The following RPP14 variants were observed in gnomAD, a reference collection of about 807,000 sequenced individuals.
RPP14 encodes the protein ribonuclease P/MRP subunit p14.
In RPP14, 19 loss-of-function variants were observed where a neutral mutation model predicts 17.8. The observed-to-expected ratio is 1.07, with a 90% CI of 0.74 to 1.57. The LOEUF (loss-of-function observed/expected upper bound fraction) is 1.57. Among genes scored for constraint, RPP14 ranks in the 40% most tolerant of loss-of-function variants. The probability of loss-of-function intolerance (pLI) is 0.00; values close to 1 mark genes in which losing one functional copy is unlikely to be tolerated. For missense variants in RPP14, 125 were observed against 140.8 expected, an observed-to-expected ratio of 0.89 and a Z score of 0.57; for synonymous variants, 60 against 56.4, an observed-to-expected ratio of 1.06 and a Z score of -0.29.
chr3:58,312,708 C>T (rs2097483648), intron 3 of RPP14, among the ~76,000 whole-genome samples: 1 of 152,052 alleles, frequency 6.6e-6, no homozygotes, highest in African/African-American at 2.4e-5. Flanking sequence ...CTCCTATAAT[C>T]CCAGCTCTTC....
intron 1 of RPP14, among the ~76,000 whole-genome samples, chr3:58,307,276 C>A (rs1194577143): frequency 6.6e-6 from 1 of 152,136 alleles, no homozygotes; most frequent in African/African-American, 2.4e-5. Context: ...AAAACGGGAA[C>A]CATAGCAAGA....
chr3:58,313,276 T>C (rs2097484445), intron 3 of RPP14, among the ~76,000 whole-genome samples: 1 of 152,128 alleles, frequency 6.6e-6, no homozygotes, highest in South Asian at 2.1e-4. Flanking sequence ...AGGCTCCTCA[T>C]GAAAAAAAGA....
intron 1 of RPP14, chr3:58,308,001 A>C (rs918133739): frequency 3.5e-4 from 53 of 152,020 alleles, no homozygotes; most frequent in African/African-American, 1.3e-3. Context: ...TTTTACTGGC[A>C]TCTAAGCCCT....
At chr3:58,309,073 A>G (rs923280534) in intron 1 of RPP14, among the ~76,000 whole-genome samples, 1 of 152,230 alleles carries the variant, frequency 6.6e-6, no homozygotes, top group Non-Finnish European at 1.5e-5. Flanking sequence ...GTTCACAGAT[A>G]GTCTTGCACA....
At chr3:58,314,459 T>C (rs76058849) in intron 3 of RPP14, among the ~76,000 whole-genome samples, 6,958 of 152,232 alleles carry the variant, frequency 0.046, 555 homozygotes, top group African/African-American at 0.16. Flanking sequence ...AGAGAATGTG[T>C]GGTTGGCAAA....
intron 1 of RPP14, among the ~76,000 whole-genome samples, chr3:58,307,446 G>A (rs2097476671): frequency 6.6e-6 from 1 of 152,214 alleles, no homozygotes; most frequent in African/African-American, 2.4e-5. Context: ...ACTCTAGGCC[G>A]GGCGCGGTGG....
At chr3:58,308,709 G>A (rs2097478487) in intron 1 of RPP14, among the ~76,000 whole-genome samples, 2 of 152,200 alleles carry the variant, frequency 1.3e-5, no homozygotes, top group African/African-American at 4.8e-5. Flanking sequence ...ATAGCTCTGT[G>A]ACCTTGGATA....
rs1205699323 is a variant in RPP14, at chr3:58,319,782, CTT to C, written c.*2289_*2290del. The C allele has an allele frequency of 3.3e-5, 5 of 152,026 alleles. No individual in the cohort carries two copies. Among genetic ancestry groups the C allele is most frequent in the South Asian group, 4.2e-4 (2 of 4,818 alleles). 9.4% of individuals were successfully genotyped at this position (152,026 alleles called of 1,614,324 possible). On this transcript the variant is annotated 3_prime_UTR_variant, in exon 6 of 6. Coordinates refer to ENST00000295959, the MANE Select transcript of RPP14 (RefSeq NM_007042.6). ...AATGGCCATCCCAACACAGCCAACA[CTT>C]TTGTTTCCCATTTTTTTTTGTTTCC...
At chr3:58,309,436 G>A (rs1236028853) in intron 1 of RPP14, among the ~76,000 whole-genome samples, 1 of 152,180 alleles carries the variant, frequency 6.6e-6, no homozygotes, top group African/African-American at 2.4e-5. Context: ...GCAAAGAGCT[G>A]GGTGCTCATA....
At position 58,309,429 on chromosome 3, in the gene RPP14, A is replaced by G. The variant is rs373769233; in HGVS notation, c.-21-880A>G. ...GCTAAGGCATGTGAAATGTTTAGCA[A>G]AGAGCTGGGTGCTCATAAGGAAAAT... On this transcript the variant is annotated intron_variant, in intron 1 of 5. Coordinates refer to ENST00000295959, the MANE Select transcript of RPP14 (RefSeq NM_007042.6). Among the ~76,000 whole-genome samples, 21 of 152,370 alleles carry G rather than the reference A, an allele frequency of 1.4e-4. 1 individual carries two copies. Among genetic ancestry groups the G allele is most frequent in the African/African-American group, 5.0e-4 (21 of 41,588 alleles).
In RPP14 at chr3:58,316,604, G is replaced by C. The variant is rs1242359311; in HGVS notation, c.239+13G>C. 2.2e-5 allele frequency: 35 copies of C among 1,609,102 alleles called. No homozygotes were observed. Among genetic ancestry groups the C allele is most frequent in the African/African-American group, 4.0e-5 (3 of 74,846 alleles). Reference sequence around the variant, plus strand: ...GAATATGTAGCAGGTATGACAGAGAGTGGGAAATTTCTAGTATAACAGGGC... The same window carrying C: ...GAATATGTAGCAGGTATGACAGAGACTGGGAAATTTCTAGTATAACAGGGC... On this transcript the variant is annotated intron_variant, in intron 4 of 5. Transcript: ENST00000295959.
rs554613185 is a variant in RPP14, at chr3:58,319,384, T to C, written c.*1888T>C. Reference sequence around the variant, plus strand: ...TAGTTGGTGGAGATGATAGATGGAGTTAAGCACAGGGCCCAGCCTGTCAGC... The same window carrying C: ...TAGTTGGTGGAGATGATAGATGGAGCTAAGCACAGGGCCCAGCCTGTCAGC... On this transcript the variant is annotated 3_prime_UTR_variant, in exon 6 of 6. Coordinates refer to ENST00000295959, the MANE Select transcript of RPP14 (RefSeq NM_007042.6). 1.3e-5 allele frequency: 2 copies of C among 152,172 alleles called. No individual in the cohort carries two copies. Among genetic ancestry groups the C allele is most frequent in the African/African-American group, 4.8e-5 (2 of 41,516 alleles). 9.4% of individuals were successfully genotyped at this position (152,172 alleles called of 1,614,324 possible). A position where few individuals can be genotyped will look rare whatever the true frequency, so the allele number is the denominator to read the frequency against.
At chr3:58,314,637 TAAA>T (rs1193898724) in intron 3 of RPP14, among the ~76,000 whole-genome samples, 1 of 149,310 alleles carries the variant, frequency 6.7e-6, no homozygotes, top group Non-Finnish European at 1.5e-5. Flanking sequence ...AGTGAGTATG[TAAA>T]ATGGTGCAGC....
intron 3 of RPP14, among the ~76,000 whole-genome samples, chr3:58,313,397 A>T (rs905170851): frequency 1.3e-5 from 2 of 152,248 alleles, no homozygotes; most frequent in African/African-American, 4.8e-5. Flanking sequence ...AGAAGTAGAG[A>T]AGTAGAGTTT....
intron 1 of RPP14, among the ~76,000 whole-genome samples, chr3:58,306,818 GAT>G (rs1193721271): frequency 1.3e-4 from 20 of 152,150 alleles, no homozygotes; most frequent in Admixed American, 9.2e-4. Context: ...CAGTGAACAA[GAT>G]AGCAAGATTC....
intron 4 of RPP14, 27 bp from the exon 5 acceptor site, chr3:58,316,888 C>G: frequency 1.3e-6 from 2 of 1,567,230 alleles, no homozygotes; most frequent in South Asian, 1.1e-5. Context: ...CTATGACACA[C>G]TATGTATTTT....
chr3:58,315,233 A>C lies in RPP14; in HGVS notation c.163-1282A>C, dbSNP rs529557026. On this transcript the variant is annotated intron_variant, in intron 3 of 5. Coordinates refer to ENST00000295959, the MANE Select transcript of RPP14 (RefSeq NM_007042.6). ...GTGAAAAGGAATGACCTATTTAGAC[A>C]CAATATGAATGAATCTCCAGAGAAT... is the stretch of plus-strand genomic sequence containing the variant. Among the ~76,000 whole-genome samples, 4 of 152,304 alleles carry C rather than the reference A, an allele frequency of 2.6e-5. No homozygotes were observed. The South Asian group carries it at 8.3e-4, about 32-fold the overall frequency.
intron 1 of RPP14, among the ~76,000 whole-genome samples, chr3:58,309,245 G>A (rs1473590030): frequency 6.6e-6 from 1 of 152,144 alleles, no homozygotes; most frequent in Non-Finnish European, 1.5e-5. Flanking sequence ...CTTTTTCTTT[G>A]GATAAAGAGG....
chr3:58,317,420 C>T lies in RPP14; in HGVS notation c.319-20C>T. The T allele has an allele frequency of 6.4e-7, 1 of 1,562,820 alleles. No individual in the cohort carries two copies. Among genetic ancestry groups the T allele is most frequent in the African/African-American group, 1.4e-5 (1 of 73,286 alleles). Reference sequence around the variant, plus strand: ...AGTGTGGTTTCTCCCAATGCCTTAACCTTTTTCTTTCTCTTCTAGGTTTCT... The same window carrying T: ...AGTGTGGTTTCTCCCAATGCCTTAATCTTTTTCTTTCTCTTCTAGGTTTCT... On this transcript the variant is annotated intron_variant, in intron 5 of 5. Transcript: ENST00000295959.
Sources: allele counts gnomAD v4.1 joint callset (sites outside exome capture counted in the v4.1 genomes callset), GRCh38; gene constraint gnomAD v4.1.1; transcripts MANE v1.5; gene names NCBI Gene and HGNC (gene_info 2026-07-23, HGNC 2026-07-21).